Variants in RAD51B observed in about 807,000 individuals in gnomAD.
The protein encoded by RAD51B is DNA repair protein RAD51 homolog 2.
In RAD51B, 38 loss-of-function variants were observed where a neutral mutation model predicts 42.2. The ratio of observed to expected loss-of-function variants is 0.90; its 90% CI spans 0.70 to 1.18. The LOEUF is 1.18. Ranked by LOEUF, RAD51B falls within the 50% of genes most tolerant of loss-of-function variation. The pLI, the probability that RAD51B is intolerant of heterozygous loss-of-function variation, is 0.00. For synonymous variants in RAD51B, 154 were observed against 145.2 expected (o/e 1.06, Z -0.43); for missense variants, 373 against 400.7 (o/e 0.93, Z 0.59).
intron 7 of RAD51B, among the ~76,000 whole-genome samples, chr14:67,940,044 ATATATATATATT>A (rs2045120349): frequency 6.7e-5 from 1 of 14,938 alleles, no homozygotes; most frequent in East Asian, 2.2e-3. Flanking sequence ...ATATATATAT[ATATATATATATT>A]TTTTTTTTTT....
chr14:68,161,162 T>A (rs1185703597), intron 7 of RAD51B, among the ~76,000 whole-genome samples: 1 of 152,198 alleles, frequency 6.6e-6, no homozygotes, highest in Non-Finnish European at 1.5e-5. Context: ...TAAAACCAAC[T>A]CACACTGACT....
chr14:68,595,838 T>C (rs1595011067), exon 11 of RAD51B: 1 of 301,996 alleles, frequency 3.3e-6, no homozygotes, highest in Non-Finnish European at 5.5e-6. Flanking sequence ...AGTAGTTCTG[T>C]AAGAAAAAAG....
At chr14:68,307,027 T>G (rs3825729) in intron 8 of RAD51B, among the ~76,000 whole-genome samples, 81,429 of 150,988 alleles carry the variant, frequency 0.54, 23,198 homozygotes, top group South Asian at 0.65. Context: ...TTTTTCCCTA[T>G]CTGGAATTTG....
intron 7 of RAD51B, among the ~76,000 whole-genome samples, chr14:68,156,220 G>A (rs1001032778): frequency 2.3e-4 from 35 of 152,118 alleles, no homozygotes; most frequent in Non-Finnish European, 4.3e-4. Flanking sequence ...TTTTTTGTGT[G>A]TGCATGCGCC....
At chr14:67,916,027 A>G (rs548616347) in intron 7 of RAD51B, among the ~76,000 whole-genome samples, 13 of 152,324 alleles carry the variant, frequency 8.5e-5, no homozygotes, top group African/African-American at 2.6e-4. Context: ...ATGTACCACA[A>G]AGGCATGCCC....
intron 7 of RAD51B, among the ~76,000 whole-genome samples, chr14:68,051,191 A>G (rs973842932): frequency 2.6e-5 from 4 of 152,044 alleles, no homozygotes; most frequent in African/African-American, 9.7e-5. Context: ...TAAAATTTAT[A>G]TAGAAAAATT....
At chr14:68,253,512 T>G (rs1212905385) in intron 7 of RAD51B, among the ~76,000 whole-genome samples, 3 of 152,236 alleles carry the variant, frequency 2.0e-5, no homozygotes, top group Non-Finnish European at 2.9e-5. Flanking sequence ...AGTTTCTCAT[T>G]TGCCTTTTAA....
intron 7 of RAD51B, among the ~76,000 whole-genome samples, chr14:68,061,582 T>TAAC (rs961273835): frequency 1.1e-4 from 16 of 152,196 alleles, no homozygotes; most frequent in African/African-American, 3.9e-4. Context: ...CAGTGTTTTA[T>TAAC]AGTTTCCATT....
chr14:68,197,927 G>A (rs1161006682), intron 7 of RAD51B, among the ~76,000 whole-genome samples: 5 of 151,962 alleles, frequency 3.3e-5, no homozygotes, highest in Non-Finnish European at 5.9e-5. Flanking sequence ...CTCGCAGTCC[G>A]TGGCTTGTCA....
chr14:68,426,115 C>G (rs552007247), intron 9 of RAD51B, among the ~76,000 whole-genome samples: 33 of 150,976 alleles, frequency 2.2e-4, no homozygotes, highest in African/African-American at 7.3e-4. Context: ...GTTGCCTGGG[C>G]TGGAGTGCAA....
intron 7 of RAD51B, among the ~76,000 whole-genome samples, chr14:68,186,231 T>C (rs1287222963): frequency 6.6e-6 from 1 of 152,194 alleles, no homozygotes; most frequent in African/African-American, 2.4e-5. Flanking sequence ...ATTAAAGATT[T>C]AAATGTAAGA....
chr14:68,486,425 C>A (rs541285704), intron 10 of RAD51B, among the ~76,000 whole-genome samples: 6 of 152,288 alleles, frequency 3.9e-5, no homozygotes, highest in Non-Finnish European at 8.8e-5. Context: ...AGCCTCTCAT[C>A]CCAGCACCAT....
chr14:68,078,202 T>G (rs1008911702), intron 7 of RAD51B, among the ~76,000 whole-genome samples: 2 of 152,170 alleles, frequency 1.3e-5, no homozygotes, highest in Non-Finnish European at 2.9e-5. Flanking sequence ...TTTTTAAGGG[T>G]GGGGCCTTGC....
At chr14:68,626,651 A>T in intron 10 of RAD51B, among the ~76,000 whole-genome samples, 1 of 152,212 alleles carries the variant, frequency 6.6e-6, no homozygotes, top group East Asian at 1.9e-4. Context: ...TGGACTTCTC[A>T]CAGGATGGTG....
At chr14:68,393,297 G>A (rs965116506) in intron 8 of RAD51B, among the ~76,000 whole-genome samples, 4 of 152,150 alleles carry the variant, frequency 2.6e-5, no homozygotes, top group East Asian at 3.9e-4. Context: ...TAGGTATTCC[G>A]CTTCTCCAGT....
At chr14:68,126,167 C>T (rs996973156) in intron 7 of RAD51B, among the ~76,000 whole-genome samples, 11 of 151,968 alleles carry the variant, frequency 7.2e-5, no homozygotes, top group African/African-American at 2.7e-4. Flanking sequence ...TTTTTTTGTG[C>T]TAATAATTTT....
intron 7 of RAD51B, among the ~76,000 whole-genome samples, chr14:67,968,829 A>G (rs2074837776): frequency 6.6e-6 from 1 of 152,182 alleles, no homozygotes; most frequent in Non-Finnish European, 1.5e-5. Flanking sequence ...ATTTTCAGGT[A>G]TCTTTAAAGC....
chr14:68,428,729 A>G (rs1262294784), intron 9 of RAD51B, among the ~76,000 whole-genome samples: 2 of 8,032 alleles, frequency 2.5e-4, no homozygotes, highest in African/African-American at 5.5e-4. Context: ...ATATATATAT[A>G]TATATATATA....
At chr14:68,176,098 G>A (rs1292730927) in intron 7 of RAD51B, among the ~76,000 whole-genome samples, 1 of 152,166 alleles carries the variant, frequency 6.6e-6, no homozygotes, top group African/African-American at 2.4e-5. Flanking sequence ...TGGATGCTGT[G>A]TTCGTTAGTT....
Sources: allele counts gnomAD v4.1 joint callset (sites outside exome capture counted in the v4.1 genomes callset), GRCh38; gene constraint gnomAD v4.1.1; transcripts MANE v1.5; gene names NCBI Gene and HGNC (gene_info 2026-07-23, HGNC 2026-07-21).